The following FRMD5 variants were observed in gnomAD, a reference collection of about 807,000 sequenced individuals.
FRMD5 encodes FERM domain containing 5.
In FRMD5, 20 loss-of-function variants were observed where a neutral mutation model predicts 69.0. The ratio of observed to expected loss-of-function variants is 0.29; its 90% confidence interval spans 0.20 to 0.42. The LOEUF (loss-of-function observed/expected upper bound fraction) is 0.42, where lower values mean the gene tolerates loss of function less well. Among genes scored for constraint, FRMD5 ranks in the 10% least tolerant of loss-of-function variants. The pLI, the probability that FRMD5 is intolerant of heterozygous loss-of-function variation, is 1.00. For synonymous variants in FRMD5, 271 were observed against 260.1 expected, an observed-to-expected ratio of 1.04 and a Z score of -0.40; for missense variants, 595 against 708.6, an observed-to-expected ratio of 0.84 and a Z score of 1.82.
chr15:44,056,361 A>G (rs2140362505), intron 1 of FRMD5, among the ~76,000 whole-genome samples: 1 of 152,328 alleles, frequency 6.6e-6, no homozygotes, highest in African/African-American at 2.4e-5. Context: ...TAAACTCTAA[A>G]TAGCCAGAGC....
At chr15:43,999,482 T>C (rs1168122716) in intron 1 of FRMD5, among the ~76,000 whole-genome samples, 1 of 152,162 alleles carries the variant, frequency 6.6e-6, no homozygotes, top group Non-Finnish European at 1.5e-5. Flanking sequence ...TAAAAACTTT[T>C]TTCCTAGTAT....
chr15:43,879,814 GC>G lies in FRMD5; in HGVS notation c.1135+3888del, dbSNP rs1171228648. ...TTTCTGCAGATCCCACATCATAGCA[GC>G]CCCTTGGCAGTGCCTCGCGTGTTGC... On this transcript the variant is annotated intron_variant, in intron 13 of 13. Transcript: ENST00000417257. 4 of 396,800 alleles carry G rather than the reference GC, an allele frequency of 1.0e-5. No homozygotes were observed. The East Asian group carries it at 1.4e-4, about 14-fold the overall frequency. The allele number at this position is 396,800 out of a possible 1,614,324, so 24.6% of individuals were successfully genotyped here.
At chr15:43,970,047 G>A (rs1048526673) in intron 1 of FRMD5, among the ~76,000 whole-genome samples, 5 of 152,158 alleles carry the variant, frequency 3.3e-5, no homozygotes, top group African/African-American at 9.7e-5. Flanking sequence ...ACAAAAGGGA[G>A]GATAGAAGAA....
At chr15:43,907,785 C>T (rs2089208073) in intron 5 of FRMD5, among the ~76,000 whole-genome samples, 2 of 152,082 alleles carry the variant, frequency 1.3e-5, no homozygotes. Context: ...GGGTTACAGG[C>T]GTGAGCCACC....
At chr15:43,992,603 C>A (rs1326435778) in intron 1 of FRMD5, among the ~76,000 whole-genome samples, 1 of 152,156 alleles carries the variant, frequency 6.6e-6, no homozygotes, top group African/African-American at 2.4e-5. Context: ...GTCTCGAACT[C>A]CTGATCTCAG....
intron 1 of FRMD5, among the ~76,000 whole-genome samples, chr15:43,972,207 G>A (rs1395187536): frequency 6.6e-6 from 1 of 151,792 alleles, no homozygotes; most frequent in Non-Finnish European, 1.5e-5. Flanking sequence ...AGAGTTCATA[G>A]AGCATGGAAG....
Position 44,075,983 on chromosome 15 carries a change from G to A in FRMD5, c.102+118970C>T, listed in dbSNP as rs1004817556. On this transcript the variant is annotated intron_variant, in intron 1 of 13. Transcript: ENST00000417257. ...GTCTTCTTTTGAGAAGTGTCTGTTC[G>A]TGTCCTTCGCCCACTTTTTGATGGG... Among the ~76,000 whole-genome samples, 25 of 152,030 alleles carry A rather than the reference G, an allele frequency of 1.6e-4. No individual in the cohort carries two copies. In the South Asian group the frequency reaches 1.7e-3, roughly 10 times the overall value.
At chr15:43,892,186 A>G (rs1595488217) in intron 7 of FRMD5, 117 bp from the exon 8 acceptor site, 1 of 848,942 alleles carries the variant, frequency 1.2e-6, no homozygotes, top group South Asian at 1.5e-5. Flanking sequence ...ACAGAGGGAA[A>G]AGCATATCAT....
chr15:44,155,625 G>C (rs1011022695), intron 1 of FRMD5, among the ~76,000 whole-genome samples: 3 of 151,042 alleles, frequency 2.0e-5, no homozygotes, highest in East Asian at 3.9e-4. Context: ...ACAAAGTCTC[G>C]CTCTGTCACC....
chr15:44,087,808 T>C (rs189155052), intron 1 of FRMD5, among the ~76,000 whole-genome samples: 1 of 151,830 alleles, frequency 6.6e-6, no homozygotes, highest in Non-Finnish European at 1.5e-5. Context: ...GAAGAAGGAG[T>C]AAATTGCATT....
chr15:44,080,332 T>C (rs1034128523), intron 1 of FRMD5, among the ~76,000 whole-genome samples: 7 of 152,130 alleles, frequency 4.6e-5, no homozygotes, highest in Non-Finnish European at 1.0e-4. Context: ...TATGTACGTA[T>C]ATATAACAAT....
At chr15:43,917,439 G>A (rs1449540122) in intron 4 of FRMD5, among the ~76,000 whole-genome samples, 1 of 152,100 alleles carries the variant, frequency 6.6e-6, no homozygotes, top group African/African-American at 2.4e-5. Flanking sequence ...CACTCAGGCT[G>A]GAGTGTAATG....
At chr15:44,057,781 A>C (rs1892932033) in intron 1 of FRMD5, among the ~76,000 whole-genome samples, 1 of 152,214 alleles carries the variant, frequency 6.6e-6, no homozygotes. Flanking sequence ...AACAATGAAC[A>C]TTCTGAATTC....
At chr15:43,880,435 CCCT>C (rs1282116384) in intron 13 of FRMD5, among the ~76,000 whole-genome samples, 8 of 152,140 alleles carry the variant, frequency 5.3e-5, no homozygotes, top group Non-Finnish European at 8.8e-5. Context: ...TAAAGGCAAG[CCCT>C]CCTCTTGAAA....
chr15:43,952,532 G>C (rs1466951251), intron 1 of FRMD5, among the ~76,000 whole-genome samples: 1 of 152,216 alleles, frequency 6.6e-6, no homozygotes, highest in African/African-American at 2.4e-5. Flanking sequence ...ATTTTGGATA[G>C]TCTGGGAGCA....
chr15:44,155,924 C>T (rs779688109), intron 1 of FRMD5, among the ~76,000 whole-genome samples: 12 of 151,792 alleles, frequency 7.9e-5, no homozygotes, highest in Non-Finnish European at 1.2e-4. Flanking sequence ...TGAGTGACCA[C>T]TGACTAGGTG....
intron 1 of FRMD5, among the ~76,000 whole-genome samples, chr15:44,148,511 T>C (rs963731758): frequency 7.2e-5 from 11 of 152,244 alleles, no homozygotes; most frequent in Admixed American, 6.5e-4. Context: ...GACCTCATGA[T>C]CCGCCCGCCT....
chr15:44,105,086 CT>C (rs71299549), intron 1 of FRMD5, among the ~76,000 whole-genome samples: 67 of 136,900 alleles, frequency 4.9e-4, no homozygotes, highest in Non-Finnish European at 5.0e-4. Flanking sequence ...AAATTCTTTT[CT>C]TTTTTTTTTT....
At chr15:44,075,927 AT>A (rs1298662542) in intron 1 of FRMD5, among the ~76,000 whole-genome samples, 2 of 152,038 alleles carry the variant, frequency 1.3e-5, no homozygotes, top group Non-Finnish European at 2.9e-5. Context: ...GATGATGAGC[AT>A]TTTTTCATGT....
Sources: gnomAD v4.1 joint callset for allele counts (sites outside exome capture counted in the v4.1 genomes callset) on GRCh38, gnomAD v4.1.1 for gene constraint, MANE v1.5 for transcripts, NCBI Gene and HGNC (gene_info 2026-07-23, HGNC 2026-07-21) for gene names.